The following SLC19A2 variants were observed in gnomAD, a reference collection of about 807,000 sequenced individuals.
SLC19A2 encodes thiamine transporter 1.
In SLC19A2, 27 loss-of-function variants were observed where a neutral mutation model predicts 44.7. That is an observed-to-expected ratio of 0.60 (90% CI 0.45 to 0.83). The LOEUF (loss-of-function observed/expected upper bound fraction) is 0.83. Among genes scored for constraint, SLC19A2 ranks in the 40% least tolerant of loss-of-function variants. The probability of loss-of-function intolerance (pLI) is 0.00; values close to 1 mark genes in which losing one functional copy is unlikely to be tolerated. For missense variants in SLC19A2, 566 were observed against 613.7 expected (o/e 0.92, Z 0.82); for synonymous variants, 239 against 243.6 (o/e 0.98, Z 0.18).
chr1:169,464,923 A>C lies in SLC19A2; in HGVS notation c.*926T>G, dbSNP rs545614174. 2.0e-5 allele frequency: 3 copies of C among 152,768 alleles called. No individual in the cohort carries two copies. The East Asian group carries it at 5.8e-4, about 29-fold the overall frequency. 9.5% of individuals were successfully genotyped at this position (152,768 alleles called of 1,614,324 possible). ...ATTAATATAAAAACTATAAATAGGGATGAAATTATTAAAAAAAGATTTTTC... is the reference window on the plus strand; with the variant it reads ...ATTAATATAAAAACTATAAATAGGGCTGAAATTATTAAAAAAAGATTTTTC... On this transcript the variant is annotated 3_prime_UTR_variant, in exon 6 of 6. Transcript: ENST00000236137.
chr1:169,483,268 G>A (rs1292941866), intron 1 of SLC19A2, among the ~76,000 whole-genome samples: 3 of 152,066 alleles, frequency 2.0e-5, no homozygotes, highest in South Asian at 2.1e-4. Flanking sequence ...TACAAATGTC[G>A]CTGAATATGA....
In SLC19A2 at chr1:169,485,767, C is replaced by A; in HGVS notation, c.-1G>T. ...GAGACACCGGGCCGGGCACATCCAT[C>A]CGGGGCGCGAGGGGAGGGGACCCGG... On this transcript the variant is annotated 5_prime_UTR_variant, in exon 1 of 6. Coordinates refer to ENST00000236137, the MANE Select transcript of SLC19A2 (RefSeq NM_006996.3). 2 of 1,530,940 alleles carry A rather than the reference C, an allele frequency of 1.3e-6. No individual in the cohort carries two copies. The highest frequency in any genetic ancestry group is 1.7e-6 in the Non-Finnish European group (2 of 1,143,720). The allele number at this position is 1,530,940 out of a possible 1,614,324, so 94.8% of individuals were successfully genotyped here.
At chr1:169,475,615 C>G (rs1364191650) in intron 2 of SLC19A2, among the ~76,000 whole-genome samples, 2 of 152,106 alleles carry the variant, frequency 1.3e-5, no homozygotes, top group Non-Finnish European at 2.9e-5. Context: ...AATGATTACA[C>G]ACCTCCTTCC....
chr1:169,473,648 T>C (rs948185116), intron 2 of SLC19A2, among the ~76,000 whole-genome samples: 2 of 151,372 alleles, frequency 1.3e-5, no homozygotes, highest in Non-Finnish European at 2.9e-5. Context: ...ATCTACATTA[T>C]TGAGTTTTAA....
At chr1:169,470,596 T>C (rs909807969) in intron 2 of SLC19A2, among the ~76,000 whole-genome samples, 6 of 152,134 alleles carry the variant, frequency 3.9e-5, no homozygotes, top group Admixed American at 2.0e-4. Flanking sequence ...ATCGTTATAA[T>C]TGACAGACTG....
At position 169,469,945 on chromosome 1, in the gene SLC19A2, A is replaced by T. The variant is rs200952135; in HGVS notation, c.1030+19T>A. The T allele has an allele frequency of 6.2e-7, 1 of 1,608,990 alleles. No individual in the cohort carries two copies. The highest frequency in any genetic ancestry group is 8.5e-7 in the Non-Finnish European group (1 of 1,176,226). ...AATCCCTCCCCCACCACGACCCTCT[A>T]TTATCCTGCATTGCTTACCCAGTAA... On this transcript the variant is annotated intron_variant, in intron 3 of 5. Transcript: ENST00000236137.
In SLC19A2 at chr1:169,466,466, C is replaced by T. The variant is rs560550966; in HGVS notation, c.1366-489G>A. Among the ~76,000 whole-genome samples, 4 of 151,972 alleles carry T rather than the reference C, an allele frequency of 2.6e-5. No homozygotes were observed. In the South Asian group the frequency reaches 6.2e-4, roughly 24 times the overall value. On this transcript the variant is annotated intron_variant, in intron 5 of 5. Coordinates refer to ENST00000236137, the MANE Select transcript of SLC19A2 (RefSeq NM_006996.3). Reference sequence around the variant, plus strand: ...TCTATTTTTCCCCAGAAGAGGGCAGCGGCAGGTCAACTATATTCCATTACA... The same window carrying T: ...TCTATTTTTCCCCAGAAGAGGGCAGTGGCAGGTCAACTATATTCCATTACA...
chr1:169,471,891 C>T (rs915650124), intron 2 of SLC19A2, among the ~76,000 whole-genome samples: 9 of 152,130 alleles, frequency 5.9e-5, no homozygotes, highest in African/African-American at 2.2e-4. Context: ...CCCAAAGCAA[C>T]CCCAGTGTGG....
intron 1 of SLC19A2, among the ~76,000 whole-genome samples, chr1:169,483,994 A>C (rs1658497851): frequency 6.6e-6 from 1 of 152,192 alleles, no homozygotes; most frequent in Non-Finnish European, 1.5e-5. Context: ...TATTGCTTTA[A>C]ATCAGTATTA....
chr1:169,469,784 A>G (rs936430024), intron 3 of SLC19A2, among the ~76,000 whole-genome samples, 180 bp downstream of exon 3: 7 of 152,212 alleles, frequency 4.6e-5, no homozygotes, highest in Non-Finnish European at 8.8e-5. Flanking sequence ...TGTTAGTCAT[A>G]GTCCTGCTCC....
intron 2 of SLC19A2, among the ~76,000 whole-genome samples, chr1:169,475,664 T>C (rs988910250): frequency 6.6e-6 from 1 of 152,122 alleles, no homozygotes; most frequent in African/African-American, 2.4e-5. Context: ...TAATATCACC[T>C]AACAAACTAT....
intron 1 of SLC19A2, among the ~76,000 whole-genome samples, chr1:169,478,357 G>A (rs75784693): frequency 7.2e-6 from 1 of 139,750 alleles, no homozygotes; most frequent in Non-Finnish European, 1.6e-5. Context: ...TTTTGGTTTT[G>A]TTTTTTGTTT....
intron 2 of SLC19A2, among the ~76,000 whole-genome samples, chr1:169,476,535 A>G (rs1324173707): frequency 6.6e-6 from 1 of 152,114 alleles, no homozygotes; most frequent in African/African-American, 2.4e-5. Flanking sequence ...CCTGGCCCAC[A>G]TGATGAAACC....
Position 169,477,387 on chromosome 1 carries a change from A to G in SLC19A2, c.575T>C (p.Val192Ala). Residue 192 changes from valine to alanine, a missense_variant, in exon 2 of 6, where the codon GTC becomes GCC. Physicochemically the swap from Val to Ala is moderately conservative, Grantham distance 64. Coordinates refer to ENST00000236137, the MANE Select transcript of SLC19A2 (RefSeq NM_006996.3). Reference sequence around the variant, plus strand: ...CACTGAAACACAGGTAAGAGAGATGACATTCAGGCTGAACAGCGACCAGCC... The same window carrying G: ...CACTGAAACACAGGTAAGAGAGATGGCATTCAGGCTGAACAGCGACCAGCC... ...VAGWSLFSLN[V>A]ISLTCVSVAF... 1 of 1,614,206 alleles carries G rather than the reference A, an allele frequency of 6.2e-7. No homozygotes were observed. Among genetic ancestry groups the G allele is most frequent in the Non-Finnish European group, 8.5e-7 (1 of 1,180,038 alleles).
chr1:169,465,689 T>C lies in SLC19A2; in HGVS notation c.*160A>G, dbSNP rs1657969947. On this transcript the variant is annotated 3_prime_UTR_variant, in exon 6 of 6. Transcript: ENST00000236137. ...CTTTACTTCTGGCTCCTCTGAATAGTATCATGTTATTCCCGGAACACAAGG... is the reference window on the plus strand; with the variant it reads ...CTTTACTTCTGGCTCCTCTGAATAGCATCATGTTATTCCCGGAACACAAGG... 1 of 733,690 alleles carries C rather than the reference T, an allele frequency of 1.4e-6. No individual in the cohort carries two copies. The highest frequency in any genetic ancestry group is 1.7e-5 in the African/African-American group (1 of 57,196). 45.4% of individuals were successfully genotyped at this position (733,690 alleles called of 1,614,324 possible). A position where few individuals can be genotyped will look rare whatever the true frequency, so the allele number is the denominator to read the frequency against.
chr1:169,464,315 TA>T lies in SLC19A2; in HGVS notation c.*1533del, dbSNP rs2101770322. 6.6e-6 allele frequency: 1 copy of T among 152,650 alleles called. No individual in the cohort carries two copies. Among genetic ancestry groups the T allele is most frequent in the African/African-American group, 2.4e-5 (1 of 41,576 alleles). 9.5% of individuals were successfully genotyped at this position (152,650 alleles called of 1,614,324 possible). A position where few individuals can be genotyped will look rare whatever the true frequency, so the allele number is the denominator to read the frequency against. ...CAAAAAAAGAAAAACAGACAGAATG[TA>T]AAATGAAGGTTGCTACTTTTATGAT... On this transcript the variant is annotated 3_prime_UTR_variant, in exon 6 of 6. Transcript: ENST00000236137.
At position 169,469,991 on chromosome 1, in the gene SLC19A2, C is replaced by A. The variant is rs764863626; in HGVS notation, c.1003G>T (p.Gly335Cys). 1.2e-6 allele frequency: 2 copies of A among 1,613,894 alleles called. No individual in the cohort carries two copies. The highest frequency in any genetic ancestry group is 3.3e-5 in the Admixed American group (2 of 60,006). ...AGTAAGGTTGAAACGGCCTCCACGC[C>A]ACCATTATAGATAGCAGCATAGCGA... ...PSRYAAIYNGGVEAVSTLLGA... is the reference protein window; with the variant it reads ...PSRYAAIYNGCVEAVSTLLGA... The change falls in exon 3 of 6, where the codon GGC becomes TGC. Residue 335 changes from glycine (G) to cysteine (C), a missense_variant. By Grantham distance (159) the Gly-to-Cys change is radical (BLOSUM62 -3). Transcript: ENST00000236137.
chr1:169,474,644 C>G (rs938782097), intron 2 of SLC19A2, among the ~76,000 whole-genome samples: 2 of 152,102 alleles, frequency 1.3e-5, no homozygotes, highest in Admixed American at 6.5e-5. Flanking sequence ...ATAAAACCAC[C>G]TACCTACCTA....
chr1:169,469,581 A>T (rs1242064270), intron 3 of SLC19A2, among the ~76,000 whole-genome samples: 1 of 152,202 alleles, frequency 6.6e-6, no homozygotes, highest in Non-Finnish European at 1.5e-5. Context: ...ATGTCCATAG[A>T]ACAGTACCTA....
Sources: gnomAD v4.1 joint callset for allele counts (sites outside exome capture counted in the v4.1 genomes callset) on GRCh38, gnomAD v4.1.1 for gene constraint, MANE v1.5 for transcripts, NCBI Gene and HGNC (gene_info 2026-07-23, HGNC 2026-07-21) for gene names.